IL1RAPL1: variants seen among roughly 807,000 people sequenced by gnomAD.
IL1RAPL1 encodes the protein interleukin-1 receptor accessory protein-like 1.
A neutral mutation model predicts 48.4 loss-of-function variants in IL1RAPL1; 3 were observed. The observed-to-expected ratio is 0.06, with a 90% CI of 0.03 to 0.16. The LOEUF is 0.16. IL1RAPL1 is among the 10% of genes least tolerant of loss of function. The pLI is 1.00. For synonymous variants in IL1RAPL1, 185 were observed against 187.7 expected, an observed-to-expected ratio of 0.99 and a Z score of 0.12; for missense variants, 349 against 530.6, an observed-to-expected ratio of 0.66 and a Z score of 3.36.
intron 1 of IL1RAPL1, among the ~76,000 whole-genome samples, chrX:28,598,693 A>G (rs1433599301): frequency 9.5e-6 from 1 of 105,042 alleles, no homozygotes; most frequent in Non-Finnish European, 1.9e-5. Flanking sequence ...CAATGGTGCA[A>G]TCTTGGCTCA....
Position 29,323,730 on chromosome X carries a change from T to TA in IL1RAPL1, c.362+40514dup, listed in dbSNP as rs1311860932. 9.1e-3 allele frequency among the ~76,000 whole-genome samples: 47 copies of TA among 5,186 alleles called. 8 individuals are homozygous for TA. The highest frequency in any genetic ancestry group is 0.046 in the African/African-American group (45 of 980). 4.5% of individuals were successfully genotyped at this position (5,186 alleles called of 115,157 possible). On this transcript the variant is annotated intron_variant, in intron 3 of 10. Coordinates refer to ENST00000378993, the MANE Select transcript of IL1RAPL1 (RefSeq NM_014271.4). Reference sequence around the variant, plus strand: ...TGAATTTTTTATATATATATATATATATATATATATATATATATATATATA... The same window carrying TA: ...TGAATTTTTTATATATATATATATATAATATATATATATATATATATATATA...
rs779282876 is a variant in IL1RAPL1, at chrX:29,916,019, G to A, written c.779-1445G>A. ...GTGGTGTTTGGTTTTTTGTTCTTGC[G>A]ATAGTTTACTGAGAATGATGGTTTC... On this transcript the variant is annotated intron_variant, in intron 6 of 10. Transcript: ENST00000378993. Among the ~76,000 whole-genome samples the A allele has an allele frequency of 5.5e-4, 55 of 99,318 alleles. 1 individual carries two copies. The South Asian group carries it at 0.011, about 21-fold the overall frequency. The allele number at this position is 99,318 out of a possible 115,157, so 86.2% of individuals were successfully genotyped here. A position where few individuals can be genotyped will look rare whatever the true frequency, so the allele number is the denominator to read the frequency against.
rs1198120274 is a variant in IL1RAPL1, at chrX:29,476,872, C to CTTTTTTTTTTTTTTTT, written c.703+77568_703+77583dup. ...GACTCATTTACTTTTTACCCATATT[C>CTTTTTTTTTTTTTTTT]TTTTTTTTTTTTTTTTTTTGAGACG... On this transcript the variant is annotated intron_variant, in intron 5 of 10. Coordinates refer to ENST00000378993, the MANE Select transcript of IL1RAPL1 (RefSeq NM_014271.4). Among the ~76,000 whole-genome samples, 141 of 53,886 alleles carry CTTTTTTTTTTTTTTTT rather than the reference C, an allele frequency of 2.6e-3. 25 individuals are homozygous for CTTTTTTTTTTTTTTTT. Among genetic ancestry groups the CTTTTTTTTTTTTTTTT allele is most frequent in the African/African-American group, 6.4e-3 (47 of 7,325 alleles). 46.8% of individuals were successfully genotyped at this position (53,886 alleles called of 115,157 possible).
chrX:28,868,956 C>T (rs759352380), intron 2 of IL1RAPL1, among the ~76,000 whole-genome samples: 4 of 111,804 alleles, frequency 3.6e-5, no homozygotes, highest in Non-Finnish European at 7.5e-5. Context: ...CTTCATGATC[C>T]GCTGATGGTA....
intron 5 of IL1RAPL1, among the ~76,000 whole-genome samples, chrX:29,445,103 G>T (rs1444325364): frequency 8.9e-6 from 1 of 112,385 alleles, no homozygotes; most frequent in East Asian, 2.8e-4. Context: ...TTTAGATTGG[G>T]TAAACAGAAG....
At chrX:29,762,927 A>G (rs771332060) in intron 6 of IL1RAPL1, among the ~76,000 whole-genome samples, 51 of 111,609 alleles carry the variant, frequency 4.6e-4, no homozygotes, top group African/African-American at 1.5e-3. Flanking sequence ...CTGCACACCT[A>G]CTTATCCTGA....
intron 1 of IL1RAPL1, among the ~76,000 whole-genome samples, chrX:28,747,357 C>T (rs770155270): frequency 8.1e-5 from 9 of 111,754 alleles, no homozygotes; most frequent in South Asian, 3.7e-4. Flanking sequence ...CAGCAGGGGC[C>T]GGGCGCAGTG....
At chrX:28,850,710 C>G in intron 2 of IL1RAPL1, among the ~76,000 whole-genome samples, 1 of 110,458 alleles carries the variant, frequency 9.1e-6, no homozygotes, top group East Asian at 2.9e-4. Context: ...GGAGGAGAAC[C>G]TGGATTACCA....
At chrX:29,289,493 T>C (rs1022696417) in intron 3 of IL1RAPL1, among the ~76,000 whole-genome samples, 2 of 112,310 alleles carry the variant, frequency 1.8e-5, no homozygotes, top group African/African-American at 6.5e-5. Context: ...GGTGAAAATA[T>C]CAACTAGAGT....
chrX:29,434,698 T>C (rs1934461794), intron 5 of IL1RAPL1, among the ~76,000 whole-genome samples: 1 of 111,235 alleles, frequency 9.0e-6, no homozygotes, highest in Non-Finnish European at 1.9e-5. Context: ...TTGTTGAGAA[T>C]CATCGATATA....
At chrX:28,962,481 C>G (rs1024201519) in intron 2 of IL1RAPL1, among the ~76,000 whole-genome samples, 1 of 111,130 alleles carries the variant, frequency 9.0e-6, no homozygotes, top group Non-Finnish European at 1.9e-5. Flanking sequence ...GGTAGTAAGA[C>G]TTTTGTTTAA....
At chrX:29,055,674 C>G (rs1265697632) in intron 2 of IL1RAPL1, among the ~76,000 whole-genome samples, 1 of 111,593 alleles carries the variant, frequency 9.0e-6, no homozygotes, top group Non-Finnish European at 1.9e-5. Flanking sequence ...CTCAAAACAA[C>G]TAAAATTTGT....
At chrX:28,978,875 C>G (rs577262268) in intron 2 of IL1RAPL1, among the ~76,000 whole-genome samples, 22 of 111,495 alleles carry the variant, frequency 2.0e-4, no homozygotes, top group African/African-American at 7.2e-4. Flanking sequence ...AGTGATGCCA[C>G]GAAGGGCATA....
intron 2 of IL1RAPL1, among the ~76,000 whole-genome samples, chrX:28,990,888 C>A (rs780774100): frequency 9.0e-6 from 1 of 111,501 alleles, no homozygotes; most frequent in Non-Finnish European, 1.9e-5. Context: ...TACCTCAATG[C>A]CAATGAGATA....
chrX:29,222,103 T>C (rs1354406199), intron 2 of IL1RAPL1, among the ~76,000 whole-genome samples: 1 of 109,587 alleles, frequency 9.1e-6, no homozygotes, highest in African/African-American at 3.3e-5. Context: ...TCTTAAATAG[T>C]CCCCATCTAT....
intron 5 of IL1RAPL1, among the ~76,000 whole-genome samples, chrX:29,473,127 C>T (rs1173547837): frequency 1.8e-5 from 2 of 111,447 alleles, no homozygotes; most frequent in Non-Finnish European, 3.8e-5. Context: ...AGGATATGTT[C>T]TAGGCTTCTG....
chrX:28,742,028 A>G (rs772780798), intron 1 of IL1RAPL1, among the ~76,000 whole-genome samples: 1 of 111,396 alleles, frequency 9.0e-6, no homozygotes, highest in Non-Finnish European at 1.9e-5. Flanking sequence ...TAAGTGAACA[A>G]TTAATTTGGA....
chrX:29,072,220 T>C (rs1423581706), intron 2 of IL1RAPL1, among the ~76,000 whole-genome samples: 7 of 108,826 alleles, frequency 6.4e-5, no homozygotes, highest in African/African-American at 2.4e-4. Flanking sequence ...CCTTTACTCA[T>C]TAAGGAAAAA....
At chrX:29,159,072 T>G in intron 2 of IL1RAPL1, among the ~76,000 whole-genome samples, 1 of 106,268 alleles carries the variant, frequency 9.4e-6, no homozygotes, top group Middle Eastern at 4.8e-3. Context: ...TGATCTCGGC[T>G]CACTGCAACC....
Sources: allele counts gnomAD v4.1 joint callset (sites outside exome capture counted in the v4.1 genomes callset), GRCh38; gene constraint gnomAD v4.1.1; transcripts MANE v1.5; gene names NCBI Gene and HGNC (gene_info 2026-07-23, HGNC 2026-07-21).